NTM: variants seen among roughly 807,000 people sequenced by gnomAD.
The protein encoded by NTM is neurotrimin, also known as IgLON family member 2.
NTM carries 13 observed loss-of-function variants against 42.1 expected under a neutral mutation model. That is an observed-to-expected ratio of 0.31 (90% CI 0.20 to 0.49). The LOEUF (loss-of-function observed/expected upper bound fraction) is 0.49, where lower values mean the gene tolerates loss of function less well. NTM is among the 20% of genes least tolerant of loss of function. The probability of loss-of-function intolerance (pLI) is 0.99; values close to 1 mark genes in which losing one functional copy is unlikely to be tolerated. For synonymous variants in NTM, 187 were observed against 179.2 expected (o/e 1.04, Z -0.35); for missense variants, 373 against 452.8 (o/e 0.82, Z 1.60).
intron 2 of NTM, among the ~76,000 whole-genome samples, chr11:132,107,376 G>C (rs1308155999): frequency 7.8e-6 from 1 of 128,772 alleles, no homozygotes; most frequent in African/African-American, 3.2e-5. Flanking sequence ...TTTGAGACAG[G>C]GTTTCAGTCT....
intron 1 of NTM, among the ~76,000 whole-genome samples, chr11:131,644,278 G>A (rs2065498563): frequency 1.3e-5 from 2 of 152,198 alleles, no homozygotes; most frequent in South Asian, 2.1e-4. Flanking sequence ...ACCTACTCAT[G>A]TGGAATACAT....
At chr11:132,082,470 T>C (rs6590617) in intron 2 of NTM, among the ~76,000 whole-genome samples, 44,535 of 151,944 alleles carry the variant, frequency 0.29, 7,204 homozygotes, top group African/African-American at 0.42. Context: ...AAAAAATCAA[T>C]GCGTACTCCA....
intron 1 of NTM, among the ~76,000 whole-genome samples, chr11:131,608,236 T>C (rs939845576): frequency 1.3e-5 from 2 of 152,238 alleles, no homozygotes; most frequent in African/African-American, 4.8e-5. Context: ...TCATCCTTTT[T>C]TATGGCTGCA....
chr11:131,574,838 T>A (rs565489129), intron 1 of NTM, among the ~76,000 whole-genome samples: 2 of 152,106 alleles, frequency 1.3e-5, no homozygotes, highest in African/African-American at 4.8e-5. Flanking sequence ...GGCTGCTCCC[T>A]CCCCACTCCC....
chr11:131,750,873 G>A (rs1591594004), intron 1 of NTM, among the ~76,000 whole-genome samples: 1 of 152,058 alleles, frequency 6.6e-6, no homozygotes, highest in African/African-American at 2.4e-5. Context: ...GGTGTCCGGG[G>A]ATGCCTGCTC....
intron 1 of NTM, among the ~76,000 whole-genome samples, chr11:131,862,826 A>G (rs935735225): frequency 6.7e-6 from 1 of 149,196 alleles, no homozygotes. Context: ...TGACTAAAAC[A>G]TATAGAGACA....
At chr11:132,047,428 ATC>A (rs2078173366) in intron 2 of NTM, among the ~76,000 whole-genome samples, 1 of 152,274 alleles carries the variant, frequency 6.6e-6, no homozygotes, top group Non-Finnish European at 1.5e-5. Context: ...ACTCCTGAGT[ATC>A]TCTCTTGAAT....
chr11:131,856,855 G>A (rs1349492809), intron 1 of NTM, among the ~76,000 whole-genome samples: 1 of 152,106 alleles, frequency 6.6e-6, no homozygotes, highest in Non-Finnish European at 1.5e-5. Flanking sequence ...GGACGTTAAG[G>A]CCCATCCAGA....
intron 1 of NTM, among the ~76,000 whole-genome samples, chr11:131,883,295 C>T (rs1322231934): frequency 6.6e-6 from 1 of 152,204 alleles, no homozygotes; most frequent in East Asian, 1.9e-4. Context: ...CAGTCTCCTT[C>T]CCAAAGCTGG....
chr11:131,953,434 A>C (rs1390216502), intron 2 of NTM, among the ~76,000 whole-genome samples: 1 of 152,198 alleles, frequency 6.6e-6, no homozygotes, highest in South Asian at 2.1e-4. Context: ...CACACAGTTA[A>C]TATTGAGAAC....
intron 4 of NTM, among the ~76,000 whole-genome samples, chr11:132,237,150 T>C (rs972436753): frequency 6.6e-6 from 1 of 152,208 alleles, no homozygotes; most frequent in Non-Finnish European, 1.5e-5. Context: ...AGCCATTTGC[T>C]CCTCAGCAGT....
At chr11:131,945,384 C>T (rs2060236543) in intron 2 of NTM, among the ~76,000 whole-genome samples, 1 of 152,136 alleles carries the variant, frequency 6.6e-6, no homozygotes. Flanking sequence ...AACCTGGAAC[C>T]CTTTATCCCA....
chr11:131,676,433 G>GTA (rs1362186628), intron 1 of NTM, among the ~76,000 whole-genome samples: 3 of 151,000 alleles, frequency 2.0e-5, no homozygotes, highest in African/African-American at 7.4e-5. Context: ...GAGGGTGTGT[G>GTA]TATCTGTGTG....
At chr11:131,545,287 GTCTTTT>G (rs985279695) in intron 1 of NTM, among the ~76,000 whole-genome samples, 72 of 152,110 alleles carry the variant, frequency 4.7e-4, no homozygotes, top group African/African-American at 1.6e-3. Context: ...CTGTTTCTTT[GTCTTTT>G]TCTTTTTCTT....
At chr11:131,758,613 G>A (rs1175578557) in intron 1 of NTM, among the ~76,000 whole-genome samples, 1 of 144,768 alleles carries the variant, frequency 6.9e-6, no homozygotes, top group Non-Finnish European at 1.5e-5. Context: ...TTTCTTTTGA[G>A]ACAAACTTTC....
intron 1 of NTM, among the ~76,000 whole-genome samples, chr11:131,883,491 CAGAG>C (rs763816730): frequency 4.1e-4 from 54 of 130,156 alleles, no homozygotes; most frequent in Non-Finnish European, 6.7e-4. Flanking sequence ...TCTAAATTAA[CAGAG>C]AGGGAGAGAG....
chr11:131,951,443 A>T (rs1163016188), intron 2 of NTM, among the ~76,000 whole-genome samples: 1 of 152,150 alleles, frequency 6.6e-6, no homozygotes, highest in Non-Finnish European at 1.5e-5. Context: ...TCTGAAGCAG[A>T]TGCTCCCTCT....
rs557689114 is a variant in NTM at position 131,865,258 on chromosome 11, G to A, written c.83-46306G>A. On this transcript the variant is annotated intron_variant, in intron 1 of 8. Coordinates refer to ENST00000683400, the MANE Select transcript of NTM (RefSeq NM_001352005.2). ...AGCCAACACTCAAGCCCCTTCTGTT[G>A]GATCCCAAAGCCTGTTTTACTATGT... is the stretch of plus-strand genomic sequence containing the variant. 2.6e-5 allele frequency among the ~76,000 whole-genome samples: 4 copies of A among 152,310 alleles called. No homozygotes were observed. The East Asian group carries it at 7.7e-4, about 29-fold the overall frequency.
At chr11:132,295,852 C>T (rs1486442978) in intron 4 of NTM, among the ~76,000 whole-genome samples, 1 of 151,442 alleles carries the variant, frequency 6.6e-6, no homozygotes, top group East Asian at 1.9e-4. Context: ...ATTATTTTGG[C>T]AATAAAGAAA....
Sources: gnomAD v4.1 joint callset for allele counts (sites outside exome capture counted in the v4.1 genomes callset) on GRCh38, gnomAD v4.1.1 for gene constraint, MANE v1.5 for transcripts, NCBI Gene and HGNC (gene_info 2026-07-23, HGNC 2026-07-21) for gene names.